The following FGD4 variants were observed in gnomAD, a reference collection of about 807,000 sequenced individuals.
FGD4 encodes the protein FYVE, RhoGEF and PH domain containing 4, also known as FYVE, RhoGEF and PH domain-containing protein 4.
A neutral mutation model predicts 102.0 loss-of-function variants in FGD4; 42 were observed. That is an observed-to-expected ratio of 0.41 (90% CI 0.32 to 0.53). FGD4 has a LOEUF of 0.53. Ranked by LOEUF, FGD4 falls within the 20% of genes least tolerant of loss-of-function variation. The pLI, the probability that FGD4 is intolerant of heterozygous loss-of-function variation, is 0.21. For synonymous variants in FGD4, 380 were observed against 375.7 expected, an observed-to-expected ratio of 1.01 and a Z score of -0.13; for missense variants, 902 against 1,078.2, an observed-to-expected ratio of 0.84 and a Z score of 2.29.
At chr12:32,572,554 C>T (rs1395641532) in intron 2 of FGD4, among the ~76,000 whole-genome samples, 1 of 152,172 alleles carries the variant, frequency 6.6e-6, no homozygotes, top group African/African-American at 2.4e-5. Flanking sequence ...TAGGGTTTTC[C>T]ATTCTCATCG....
intron 10 of FGD4, among the ~76,000 whole-genome samples, chr12:32,612,028 C>T (rs1054054127): frequency 1.3e-5 from 2 of 152,230 alleles, no homozygotes; most frequent in African/African-American, 4.8e-5. Context: ...TGTTGCAAAC[C>T]GGCAGGGTGT....
intron 1 of FGD4, among the ~76,000 whole-genome samples, chr12:32,518,392 C>G (rs903185633): frequency 2.0e-5 from 3 of 152,240 alleles, no homozygotes; most frequent in Non-Finnish European, 2.9e-5. Context: ...GCAGGACAAT[C>G]GCTTGAACCC....
intron 3 of FGD4, among the ~76,000 whole-genome samples, chr12:32,578,411 T>G (rs1453016318): frequency 6.6e-6 from 1 of 151,992 alleles, no homozygotes; most frequent in East Asian, 1.9e-4. Context: ...TTAACCTTCC[T>G]TATGAGAGCT....
At chr12:32,400,719 CT>C (rs1276462585) in intron 1 of FGD4, among the ~76,000 whole-genome samples, 1 of 152,146 alleles carries the variant, frequency 6.6e-6, no homozygotes, top group Non-Finnish European at 1.5e-5. Context: ...TTAAAATCCC[CT>C]CCCCTCCTTT....
chr12:32,440,330 G>A (rs992179044), intron 1 of FGD4, among the ~76,000 whole-genome samples: 1 of 152,216 alleles, frequency 6.6e-6, no homozygotes, highest in African/African-American at 2.4e-5. Flanking sequence ...TGTGGCTGTT[G>A]TGATCTAAGC....
chr12:32,636,181 A>G (rs1039496171), intron 15 of FGD4, among the ~76,000 whole-genome samples: 4 of 152,114 alleles, frequency 2.6e-5, no homozygotes, highest in African/African-American at 9.7e-5. Flanking sequence ...GGGCCATACA[A>G]AAACAACTGG....
intron 10 of FGD4, among the ~76,000 whole-genome samples, 173 bp downstream of exon 10, chr12:32,611,456 G>A (rs1447608277): frequency 6.6e-6 from 1 of 152,140 alleles, no homozygotes; most frequent in Non-Finnish European, 1.5e-5. Flanking sequence ...TGAGTGTGGT[G>A]GCGGGTGCCT....
chr12:32,591,089 C>T (rs1174533055), intron 4 of FGD4, among the ~76,000 whole-genome samples: 1 of 152,104 alleles, frequency 6.6e-6, no homozygotes, highest in Non-Finnish European at 1.5e-5. Flanking sequence ...TAAGTTGACT[C>T]AACTTCTTTA....
At chr12:32,549,731 A>G (rs1943504743) in intron 1 of FGD4, among the ~76,000 whole-genome samples, 1 of 152,198 alleles carries the variant, frequency 6.6e-6, no homozygotes, top group Non-Finnish European at 1.5e-5. Context: ...AGTGAATGTC[A>G]AGGCAGACTG....
intron 1 of FGD4, among the ~76,000 whole-genome samples, chr12:32,429,968 C>CA (rs368360643): frequency 0.028 from 3,586 of 125,878 alleles, 88 homozygotes; most frequent in African/African-American, 0.074. Flanking sequence ...TTAATGAGGC[C>CA]AAAAAAAAAA....
intron 1 of FGD4, among the ~76,000 whole-genome samples, chr12:32,440,710 A>G (rs1376113139): frequency 6.6e-6 from 1 of 152,224 alleles, no homozygotes; most frequent in Non-Finnish European, 1.5e-5. Context: ...GGGTCTCTGC[A>G]GTTGGCAAGT....
At chr12:32,491,141 AAAAAAAAAAC>A (rs1034320691) in intron 1 of FGD4, among the ~76,000 whole-genome samples, 6 of 151,012 alleles carry the variant, frequency 4.0e-5, no homozygotes, top group African/African-American at 9.7e-5. Flanking sequence ...TTAAAAAAAA[AAAAAAAAAAC>A]AAAAAACTAT....
At chr12:32,625,221 A>G (rs1207474424) in intron 13 of FGD4, among the ~76,000 whole-genome samples, 153 bp downstream of exon 13, 9 of 150,832 alleles carry the variant, frequency 6.0e-5, no homozygotes, top group Admixed American at 6.0e-4. Context: ...TGAACACAAT[A>G]GTGAGTGACT....
chr12:32,516,572 T>G (rs1939909492), intron 1 of FGD4, among the ~76,000 whole-genome samples: 1 of 152,218 alleles, frequency 6.6e-6, no homozygotes, highest in South Asian at 2.1e-4. Flanking sequence ...AGTTATCTGT[T>G]GTAAATATAT....
intron 3 of FGD4, among the ~76,000 whole-genome samples, chr12:32,577,445 T>C (rs1815666032): frequency 6.6e-6 from 1 of 152,236 alleles, no homozygotes; most frequent in Non-Finnish European, 1.5e-5. Context: ...TGGAAATAGT[T>C]TGATTATCTT....
At chr12:32,459,805 C>T (rs915875864) in intron 1 of FGD4, among the ~76,000 whole-genome samples, 1 of 151,772 alleles carries the variant, frequency 6.6e-6, no homozygotes, top group African/African-American at 2.4e-5. Context: ...CTCAAGCAAT[C>T]CTCTGGCCTC....
intron 1 of FGD4, among the ~76,000 whole-genome samples, chr12:32,453,220 A>AAT (rs1555183350): frequency 3.8e-5 from 2 of 52,788 alleles, no homozygotes; most frequent in African/African-American, 1.4e-4. Context: ...ATATATATAT[A>AAT]ATATAGATAT....
Position 32,619,758 on chromosome 12 carries a change from G to A in FGD4, c.1810G>A (p.Val604Ile). Reference protein sequence around the residue: ...KFSLVGSKFTVRTRVGIDGMK... With the variant: ...KFSLVGSKFTIRTRVGIDGMK... Reference sequence around the variant, plus strand: ...CAGCTTGGTAGGCTCTAAATTCACAGTTCGAACCAGGGTTGGCATTGATGG... The same window carrying A: ...CAGCTTGGTAGGCTCTAAATTCACAATTCGAACCAGGGTTGGCATTGATGG... Residue 604 changes from valine (V) to isoleucine (I), a missense_variant, in exon 11 of 17, where the codon GTT becomes ATT. By Grantham distance (29) the Val-to-Ile change is conservative. Around this residue, in one of 2 missense-constraint regions of FGD4, gnomAD observed 459 missense variants for 619.0 expected, o/e 0.74. Coordinates refer to ENST00000534526, the MANE Select transcript of FGD4 (RefSeq NM_001370298.3). 1.9e-6 allele frequency: 3 copies of A among 1,614,104 alleles called. No individual in the cohort carries two copies. Among genetic ancestry groups the A allele is most frequent in the Non-Finnish European group, 2.5e-6 (3 of 1,180,028 alleles).
chr12:32,470,800 G>C (rs892828072), intron 1 of FGD4, among the ~76,000 whole-genome samples: 40 of 152,100 alleles, frequency 2.6e-4, no homozygotes, highest in Admixed American at 3.3e-4. Flanking sequence ...TTTGGTGCCT[G>C]TGTAGTCCTT....
Sources: allele counts gnomAD v4.1 joint callset (sites outside exome capture counted in the v4.1 genomes callset), GRCh38; gene constraint gnomAD v4.1.1; regional missense constraint gnomAD v4.1.1; transcripts MANE v1.5; gene names NCBI Gene and HGNC (gene_info 2026-07-23, HGNC 2026-07-21).